Variants in TNFRSF1B observed in about 807,000 individuals in gnomAD.
TNFRSF1B encodes TNF receptor superfamily member 1B, also known as tumor necrosis factor receptor superfamily member 1B.
A neutral mutation model predicts 44.6 loss-of-function variants in TNFRSF1B; 19 were observed. That is an observed-to-expected ratio of 0.43 (90% CI 0.30 to 0.62). The LOEUF (loss-of-function observed/expected upper bound fraction) is 0.62, where lower values mean the gene tolerates loss of function less well. Ranked by LOEUF, TNFRSF1B falls within the 20% of genes least tolerant of loss-of-function variation. The pLI is 0.16. For missense variants in TNFRSF1B, 541 were observed against 619.9 expected, an observed-to-expected ratio of 0.87 and a Z score of 1.35; for synonymous variants, 252 against 261.1, an observed-to-expected ratio of 0.97 and a Z score of 0.34.
intron 1 of TNFRSF1B, among the ~76,000 whole-genome samples, chr1:12,183,343 T>C (rs1183547121): frequency 6.6e-6 from 1 of 152,198 alleles, no homozygotes; most frequent in Non-Finnish European, 1.5e-5. Flanking sequence ...TTTGCCTTTT[T>C]CCATCTCTGT....
chr1:12,208,351 C>T lies in TNFRSF1B; in HGVS notation c.*1331C>T, dbSNP rs1481310783. 2 of 152,922 alleles carry T rather than the reference C, an allele frequency of 1.3e-5. No individual in the cohort carries two copies. The highest frequency in any genetic ancestry group is 3.9e-4 in the East Asian group (2 of 5,190). 9.5% of individuals were successfully genotyped at this position (152,922 alleles called of 1,614,324 possible). A position where few individuals can be genotyped will look rare whatever the true frequency, so the allele number is the denominator to read the frequency against. On this transcript the variant is annotated 3_prime_UTR_variant, in exon 10 of 10. Coordinates refer to ENST00000376259, the MANE Select transcript of TNFRSF1B (RefSeq NM_001066.3). The stretch of plus-strand genomic sequence containing the variant: ...TCTTCCCCACTCCCCACCTTCAATT[C>T]CTGGGCCCCAAACGGGCTGCCCTGC...
Position 12,177,545 on chromosome 1 carries a change from G to C in TNFRSF1B, c.78+10376G>C, listed in dbSNP as rs1184954977. Among the ~76,000 whole-genome samples, 2 of 152,134 alleles carry C rather than the reference G, an allele frequency of 1.3e-5. No homozygotes were observed. Among genetic ancestry groups the C allele is most frequent in the Non-Finnish European group, 2.9e-5 (2 of 68,004 alleles). On this transcript the variant is annotated intron_variant, in intron 1 of 9. Transcript: ENST00000376259. This position sits in a 1 kb window ranked among gnomAD's most constrained non-coding sequence, Gnocchi z 4.3. ...CTACCCCTGTGCCTCCAGACCCCTC[G>C]AGCTCCTCCCAGACCTTTGGCTTCG...
At chr1:12,176,659 TG>T (rs1337640504) in intron 1 of TNFRSF1B, among the ~76,000 whole-genome samples, 1 of 152,158 alleles carries the variant, frequency 6.6e-6, no homozygotes, top group African/African-American at 2.4e-5. Flanking sequence ...GTTGGGGCAG[TG>T]GGGAGCCATT....
At chr1:12,193,306 C>G in intron 6 of TNFRSF1B, 1 of 690,608 alleles carries the variant, frequency 1.4e-6, no homozygotes, top group Non-Finnish European at 2.6e-6. Context: ...GATGCAGTGG[C>G]TCAAGCCTGT....
At chr1:12,197,986 G>A (rs907178011) in intron 8 of TNFRSF1B, among the ~76,000 whole-genome samples, 4 of 152,192 alleles carry the variant, frequency 2.6e-5, no homozygotes, top group East Asian at 3.9e-4. Flanking sequence ...TTAGCCGGGC[G>A]TGGTGGCGGG....
chr1:12,177,725 C>T lies in TNFRSF1B; in HGVS notation c.78+10556C>T, dbSNP rs1035195486. Among the ~76,000 whole-genome samples the T allele has an allele frequency of 6.7e-6, 1 of 149,328 alleles. No homozygotes were observed. The highest frequency in any genetic ancestry group is 2.5e-5 in the African/African-American group (1 of 40,384). On this transcript the variant is annotated intron_variant, in intron 1 of 9. Transcript: ENST00000376259. This position sits in a 1 kb window ranked among gnomAD's most constrained non-coding sequence, Gnocchi z 4.3. ...AGGAGAATCGCTTGAACCTGGGAGG[C>T]GGAGTTTGCAGTGAACCGAGATCGC...
chr1:12,203,142 A>ATTC (rs1639427795), intron 9 of TNFRSF1B, among the ~76,000 whole-genome samples: 1 of 152,234 alleles, frequency 6.6e-6, no homozygotes, highest in Non-Finnish European at 1.5e-5. Flanking sequence ...AATTCAGGGA[A>ATTC]TGACCATGAA....
At chr1:12,175,227 G>A (rs1638627167) in intron 1 of TNFRSF1B, among the ~76,000 whole-genome samples, 1 of 152,256 alleles carries the variant, frequency 6.6e-6, no homozygotes, top group Admixed American at 6.5e-5. Flanking sequence ...AGGGGTCTGA[G>A]GCCTCATCTT....
In TNFRSF1B at chr1:12,178,714, G is replaced by A. The variant is rs574119465; in HGVS notation, c.79-10082G>A. On this transcript the variant is annotated intron_variant, in intron 1 of 9. Coordinates refer to ENST00000376259, the MANE Select transcript of TNFRSF1B (RefSeq NM_001066.3). This position sits in a 1 kb window ranked among gnomAD's most constrained non-coding sequence, Gnocchi z 4.3. ...GGGTCAGGACGTTTGGGCAGAGGCA[G>A]CAGCAGTACGGGCATGGAGAAGGGG... 6.6e-4 allele frequency among the ~76,000 whole-genome samples: 101 copies of A among 152,300 alleles called. No homozygotes were observed. Among genetic ancestry groups the A allele is most frequent in the Non-Finnish European group, 1.1e-3 (75 of 68,012 alleles).
At chr1:12,192,734 G>C (rs1639174159) in intron 5 of TNFRSF1B, 129 bp from the exon 6 acceptor site, 1 of 900,226 alleles carries the variant, frequency 1.1e-6, no homozygotes, top group African/African-American at 1.6e-5. Context: ...AGGGCTAGGA[G>C]GGGGTGGTCC....
At chr1:12,204,961 G>T (rs1251049130) in intron 9 of TNFRSF1B, among the ~76,000 whole-genome samples, 1 of 151,912 alleles carries the variant, frequency 6.6e-6, no homozygotes, top group Non-Finnish European at 1.5e-5. Flanking sequence ...GATCACTTGA[G>T]CCCAGGAGTT....
At chr1:12,174,169 T>C (rs1164823252) in intron 1 of TNFRSF1B, among the ~76,000 whole-genome samples, 2 of 60,482 alleles carry the variant, frequency 3.3e-5, no homozygotes, top group African/African-American at 1.4e-4. Context: ...TTCTTCTCCT[T>C]CTCCTTCTCC....
Position 12,207,030 on chromosome 1 carries a change from T to C in TNFRSF1B, c.*10T>C, listed in dbSNP as rs1285524559. Reference sequence around the variant, plus strand: ...GATGAAGCCCAGTTAACCAGGCCGGTGTGGGCTGTGTCGTAGCCAAGGTGG... The same window carrying C: ...GATGAAGCCCAGTTAACCAGGCCGGCGTGGGCTGTGTCGTAGCCAAGGTGG... On this transcript the variant is annotated 3_prime_UTR_variant, in exon 10 of 10. Transcript: ENST00000376259. 3 of 1,559,850 alleles carry C rather than the reference T, an allele frequency of 1.9e-6. No individual in the cohort carries two copies. Among genetic ancestry groups the C allele is most frequent in the South Asian group, 1.2e-5 (1 of 84,588 alleles).
intron 9 of TNFRSF1B, among the ~76,000 whole-genome samples, chr1:12,203,403 A>T (rs1012737673): frequency 3.3e-5 from 5 of 151,270 alleles, no homozygotes; most frequent in South Asian, 2.1e-4. Context: ...CAGCTCACTC[A>T]CCCCCAGCTG....
intron 1 of TNFRSF1B, among the ~76,000 whole-genome samples, chr1:12,181,546 C>G (rs551142442): frequency 6.6e-6 from 1 of 152,174 alleles, no homozygotes; most frequent in African/African-American, 2.4e-5. Flanking sequence ...CTACCCTGAC[C>G]TCCTGGCGGT....
At chr1:12,188,980 T>C (rs1639050472) in intron 2 of TNFRSF1B, 85 bp downstream of exon 2, 2 of 1,160,630 alleles carry the variant, frequency 1.7e-6, no homozygotes, top group Non-Finnish European at 2.5e-6. Context: ...GCATAGCCCT[T>C]GATTCTTACT....
At chr1:12,170,394 A>G (rs1638494635) in intron 1 of TNFRSF1B, among the ~76,000 whole-genome samples, 1 of 152,180 alleles carries the variant, frequency 6.6e-6, no homozygotes, top group Non-Finnish European at 1.5e-5. Context: ...GGTTGTGGAA[A>G]GTATTCCCTG....
chr1:12,183,748 T>TCTATCTATCTATCTATCTATCTAG lies in TNFRSF1B; in HGVS notation c.79-5045_79-5044insTCTATCTATCTATCTATCTAGCTA, dbSNP rs1279334157. 3.8e-3 allele frequency among the ~76,000 whole-genome samples: 442 copies of TCTATCTATCTATCTATCTATCTAG among 117,006 alleles called. 14 individuals carry two copies. The highest frequency in any genetic ancestry group is 2.0e-3 in the Non-Finnish European group (106 of 51,772). 76.8% of individuals were successfully genotyped at this position (117,006 alleles called of 152,430 possible). ...ATCTATCTATCTATCTATCTATCTATCTAGCTAGCTAGCTAGCTAGCTATC... is the reference window on the plus strand; with the variant it reads ...ATCTATCTATCTATCTATCTATCTATCTATCTATCTATCTATCTATCTAGCTAGCTAGCTAGCTAGCTAGCTATC... On this transcript the variant is annotated intron_variant, in intron 1 of 9. Coordinates refer to ENST00000376259, the MANE Select transcript of TNFRSF1B (RefSeq NM_001066.3).
rs1638465095 is a variant in TNFRSF1B at position 12,169,115 on chromosome 1, C to G, written c.78+1946C>G. Reference sequence around the variant, plus strand: ...GCAAATGCCATTCTCTCCAGGAAAGCCTTTCCGCATTCTCAGTTGGATTTG... The same window carrying G: ...GCAAATGCCATTCTCTCCAGGAAAGGCTTTCCGCATTCTCAGTTGGATTTG... On this transcript the variant is annotated intron_variant, in intron 1 of 9. Transcript: ENST00000376259. This position sits in a 1 kb window ranked among gnomAD's most constrained non-coding sequence, Gnocchi z 4.5. Among the ~76,000 whole-genome samples, 1 of 152,242 alleles carries G rather than the reference C, an allele frequency of 6.6e-6. No individual in the cohort carries two copies. Among genetic ancestry groups the G allele is most frequent in the South Asian group, 2.1e-4 (1 of 4,836 alleles).
Sources: gnomAD v4.1 joint callset for allele counts (sites outside exome capture counted in the v4.1 genomes callset) on GRCh38, gnomAD v4.1.1 for gene constraint, Gnocchi (gnomAD v3.1) non-coding constraint, MANE v1.5 for transcripts, NCBI Gene and HGNC (gene_info 2026-07-23, HGNC 2026-07-21) for gene names.